The following MIPOL1 variants were observed in gnomAD, a reference collection of about 807,000 sequenced individuals.
MIPOL1 encodes mirror-image polydactyly 1.
In MIPOL1, 57 loss-of-function variants were observed where a neutral mutation model predicts 60.9. The observed-to-expected ratio is 0.94, with a 90% CI of 0.76 to 1.17. The LOEUF (loss-of-function observed/expected upper bound fraction) is 1.17, where lower values mean the gene tolerates loss of function less well. Among genes scored for constraint, MIPOL1 ranks in the 50% most tolerant of loss-of-function variants. The probability of loss-of-function intolerance (pLI) is 0.00; values close to 1 mark genes in which losing one functional copy is unlikely to be tolerated. For synonymous variants in MIPOL1, 179 were observed against 168.8 expected, an observed-to-expected ratio of 1.06 and a Z score of -0.47; for missense variants, 551 against 511.6, an observed-to-expected ratio of 1.08 and a Z score of -0.74.
At chr14:37,305,820 T>C (rs925552634) in intron 7 of MIPOL1, among the ~76,000 whole-genome samples, 1 of 151,868 alleles carries the variant, frequency 6.6e-6, no homozygotes, top group Non-Finnish European at 1.5e-5. Context: ...ATATCAGTTA[T>C]AAAGAATAAT....
intron 10 of MIPOL1, among the ~76,000 whole-genome samples, chr14:37,386,854 C>T (rs1002175103): frequency 2.6e-5 from 4 of 151,860 alleles, no homozygotes; most frequent in African/African-American, 9.7e-5. Flanking sequence ...TTAACAATAT[C>T]GTTCATACTC....
chr14:37,533,601 C>G (rs2095491901), intron 12 of MIPOL1, among the ~76,000 whole-genome samples: 1 of 152,076 alleles, frequency 6.6e-6, no homozygotes, highest in Non-Finnish European at 1.5e-5. Flanking sequence ...AACACAAACA[C>G]CAGAATAAGG....
intron 10 of MIPOL1, among the ~76,000 whole-genome samples, chr14:37,389,239 A>AG (rs1555327900): frequency 1.3e-5 from 2 of 152,054 alleles, no homozygotes; most frequent in Non-Finnish European, 2.9e-5. Context: ...GTAAAAAAAA[A>AG]CAAAAAACAG....
At chr14:37,361,592 T>C (rs2092246276) in intron 9 of MIPOL1, among the ~76,000 whole-genome samples, 1 of 150,200 alleles carries the variant, frequency 6.7e-6, no homozygotes, top group Non-Finnish European at 1.5e-5. Flanking sequence ...ATGGCCTTTT[T>C]TGTTTCTCCC....
intron 9 of MIPOL1, among the ~76,000 whole-genome samples, chr14:37,336,186 C>T (rs918141866): frequency 4.1e-5 from 6 of 145,840 alleles, no homozygotes; most frequent in Non-Finnish European, 6.0e-5. Flanking sequence ...CCTCATTAAA[C>T]GGTTTTGGTA....
intron 1 of MIPOL1, among the ~76,000 whole-genome samples, chr14:37,207,967 G>A (rs1005247623): frequency 6.6e-6 from 1 of 152,100 alleles, no homozygotes; most frequent in African/African-American, 2.4e-5. Context: ...AGCTGGCAAC[G>A]TAAAGAAATT....
At chr14:37,472,834 C>T (rs148110595) in intron 11 of MIPOL1, among the ~76,000 whole-genome samples, 161 of 152,204 alleles carry the variant, frequency 1.1e-3, no homozygotes, top group African/African-American at 3.8e-3. Flanking sequence ...ACTTCCTGCC[C>T]AGTATGTTTT....
At chr14:37,429,955 GC>G (rs2094030888) in intron 11 of MIPOL1, among the ~76,000 whole-genome samples, 1 of 152,102 alleles carries the variant, frequency 6.6e-6, no homozygotes, top group Non-Finnish European at 1.5e-5. Context: ...TAGCCATGAA[GC>G]AATATTTTTC....
chr14:37,209,047 C>A (rs1966537409), intron 1 of MIPOL1, among the ~76,000 whole-genome samples: 1 of 152,052 alleles, frequency 6.6e-6, no homozygotes, highest in African/African-American at 2.4e-5. Context: ...ATTAATAATA[C>A]TACTTATTAA....
intron 6 of MIPOL1, chr14:37,278,816 T>G (rs1452993360): frequency 6.6e-6 from 1 of 151,832 alleles, no homozygotes; most frequent in African/African-American, 2.4e-5. Context: ...CCAATAGACT[T>G]GGGTCTACTA....
intron 12 of MIPOL1, among the ~76,000 whole-genome samples, chr14:37,541,545 A>G (rs936987782): frequency 1.2e-4 from 19 of 152,234 alleles, no homozygotes; most frequent in Admixed American, 3.3e-4. Context: ...TAGCTAGATC[A>G]TCAATACCAC....
chr14:37,368,059 T>C (rs776865392), intron 9 of MIPOL1, among the ~76,000 whole-genome samples: 4 of 152,090 alleles, frequency 2.6e-5, no homozygotes, highest in Admixed American at 1.3e-4. Context: ...TAAGTTATCA[T>C]ACAGCTGATG....
In MIPOL1 at chr14:37,499,929, A is replaced by C; in HGVS notation, c.1053A>C (p.Gln351His). 1 of 1,585,848 alleles carries C rather than the reference A, an allele frequency of 6.3e-7. No individual in the cohort carries two copies. The highest frequency in any genetic ancestry group is 2.2e-5 in the East Asian group (1 of 44,720). Residue 351 changes from glutamine to histidine, a missense_variant, in exon 12 of 13, where the codon CAA becomes CAC. By Grantham distance (24) the Gln-to-His change is conservative. Coordinates refer to ENST00000684589, the MANE Select transcript of MIPOL1 (RefSeq NM_001388067.1). Reference protein sequence around the residue: ...VYYSLHKSLSQEENLKDQFNY... With the variant: ...VYYSLHKSLSHEENLKDQFNY... The stretch of plus-strand genomic sequence containing the variant: ...TCAGTTTACACAAATCTTTATCTCA[A>C]GAAGAAAATCTGAAGGATCAGTTTA...
intron 10 of MIPOL1, among the ~76,000 whole-genome samples, chr14:37,371,161 C>A (rs909581287): frequency 1.3e-5 from 2 of 151,462 alleles, no homozygotes; most frequent in African/African-American, 4.9e-5. Context: ...GCTCCATTGC[C>A]CAGACTGGAG....
chr14:37,351,284 A>C (rs1401855327), intron 9 of MIPOL1, among the ~76,000 whole-genome samples: 1 of 144,888 alleles, frequency 6.9e-6, no homozygotes, highest in African/African-American at 2.6e-5. Context: ...TATATGTGCC[A>C]CATTTTCTTA....
chr14:37,476,354 A>G (rs1484003422), intron 11 of MIPOL1, among the ~76,000 whole-genome samples: 1 of 152,078 alleles, frequency 6.6e-6, no homozygotes, highest in Non-Finnish European at 1.5e-5. Context: ...GGGATTTTCT[A>G]CATAGCCAAT....
chr14:37,236,981 G>T (rs1971590180), intron 1 of MIPOL1, among the ~76,000 whole-genome samples: 2 of 152,074 alleles, frequency 1.3e-5, no homozygotes, highest in Admixed American at 6.6e-5. Context: ...CTCTTGCCTG[G>T]GCATGTGCGG....
chr14:37,262,276 G>A (rs1431476713), intron 3 of MIPOL1, among the ~76,000 whole-genome samples: 1 of 151,442 alleles, frequency 6.6e-6, no homozygotes, highest in East Asian at 1.9e-4. Context: ...ATCACTAGTC[G>A]GCATTGTTCT....
At chr14:37,518,360 T>C (rs1357546594) in intron 12 of MIPOL1, among the ~76,000 whole-genome samples, 8 of 152,188 alleles carry the variant, frequency 5.3e-5, no homozygotes, top group Non-Finnish European at 1.0e-4. Flanking sequence ...TTTATTAATT[T>C]TTTTGAGACA....
Sources: allele counts gnomAD v4.1 joint callset (sites outside exome capture counted in the v4.1 genomes callset), GRCh38; gene constraint gnomAD v4.1.1; transcripts MANE v1.5; gene names NCBI Gene and HGNC (gene_info 2026-07-23, HGNC 2026-07-21).